The following LRRC7 variants were observed in gnomAD, a reference collection of about 807,000 sequenced individuals.
The protein encoded by LRRC7 is leucine rich repeat containing 7, also known as leucine-rich repeat-containing protein 7.
A neutral mutation model predicts 175.7 loss-of-function variants in LRRC7; 23 were observed. The observed-to-expected ratio is 0.13, with a 90% CI of 0.09 to 0.19. The LOEUF is 0.19. Among genes scored for constraint, LRRC7 ranks in the 10% least tolerant of loss-of-function variants. The probability of loss-of-function intolerance (pLI) is 1.00; values close to 1 mark genes in which losing one functional copy is unlikely to be tolerated. For synonymous variants in LRRC7, 685 were observed against 680.9 expected (o/e 1.01, Z -0.09); for missense variants, 1,354 against 1,904.7 (o/e 0.71, Z 5.38).
intron 21 of LRRC7, among the ~76,000 whole-genome samples, chr1:70,042,349 T>G (rs17131149): frequency 0.025 from 3,848 of 152,302 alleles, 190 homozygotes; most frequent in African/African-American, 0.089. Context: ...ATAATGTGCT[T>G]CTTTCCCAGT....
At chr1:69,866,547 C>T (rs1347916254) in intron 7 of LRRC7, among the ~76,000 whole-genome samples, 1 of 152,190 alleles carries the variant, frequency 6.6e-6, no homozygotes. Context: ...TTATCATTTT[C>T]TATTCCTAAA....
chr1:69,960,758 C>A (rs1295017082), intron 8 of LRRC7, among the ~76,000 whole-genome samples: 1 of 151,204 alleles, frequency 6.6e-6, no homozygotes, highest in African/African-American at 2.5e-5. Context: ...GCAGAAAAGG[C>A]CTTCAATAAA....
At chr1:70,115,288 A>G (rs1007646170) in intron 26 of LRRC7, among the ~76,000 whole-genome samples, 1 of 152,192 alleles carries the variant, frequency 6.6e-6, no homozygotes, top group African/African-American at 2.4e-5. Flanking sequence ...CTGCAGAAGC[A>G]TTTTTTGTGT....
chr1:69,885,346 A>G (rs1687069871), intron 7 of LRRC7, among the ~76,000 whole-genome samples: 1 of 146,200 alleles, frequency 6.8e-6, no homozygotes, highest in Non-Finnish European at 1.5e-5. Context: ...TAGTCTTGGG[A>G]GAGTGTATGT....
At chr1:69,752,514 T>C (rs1311770418) in intron 2 of LRRC7, among the ~76,000 whole-genome samples, 2 of 152,168 alleles carry the variant, frequency 1.3e-5, no homozygotes, top group Non-Finnish European at 2.9e-5. Flanking sequence ...TTGTCATTAT[T>C]TCTATCTGCT....
intron 1 of LRRC7, among the ~76,000 whole-genome samples, chr1:69,661,592 T>G (rs766868070): frequency 3.3e-5 from 5 of 152,138 alleles, no homozygotes; most frequent in Non-Finnish European, 7.4e-5. Context: ...CAGGAGAACA[T>G]TGTGTCAATA....
At chr1:69,735,132 C>T (rs1408156199) in intron 2 of LRRC7, among the ~76,000 whole-genome samples, 1 of 151,892 alleles carries the variant, frequency 6.6e-6, no homozygotes, top group Non-Finnish European at 1.5e-5. Context: ...TTTCTATAAC[C>T]ACCATTATCA....
At chr1:69,837,404 G>A (rs1168059073) in intron 6 of LRRC7, among the ~76,000 whole-genome samples, 1 of 151,806 alleles carries the variant, frequency 6.6e-6, no homozygotes, top group Non-Finnish European at 1.5e-5. Flanking sequence ...ATTATCTAAT[G>A]TTCCAAACCA....
chr1:70,053,468 A>C (rs1660899472), intron 23 of LRRC7, among the ~76,000 whole-genome samples: 1 of 152,196 alleles, frequency 6.6e-6, no homozygotes, highest in Non-Finnish European at 1.5e-5. Flanking sequence ...TGGCTTTAAC[A>C]GTGTGTTGTA....
chr1:69,932,414 C>G (rs977624860), intron 8 of LRRC7, among the ~76,000 whole-genome samples: 7 of 152,148 alleles, frequency 4.6e-5, no homozygotes, highest in African/African-American at 1.7e-4. Flanking sequence ...AATGTTCTCT[C>G]TTACACAGGG....
intron 2 of LRRC7, among the ~76,000 whole-genome samples, chr1:69,726,440 A>G (rs1429595577): frequency 6.6e-6 from 1 of 152,356 alleles, no homozygotes; most frequent in South Asian, 2.1e-4. Context: ...TATTGATGTC[A>G]TTAAATATGG....
chr1:69,773,004 T>C (rs1352884248), intron 3 of LRRC7, among the ~76,000 whole-genome samples: 4 of 152,184 alleles, frequency 2.6e-5, no homozygotes, highest in African/African-American at 9.7e-5. Context: ...GAAAACCTGA[T>C]TGAAGTCTAT....
intron 7 of LRRC7, among the ~76,000 whole-genome samples, chr1:69,869,661 A>G (rs937299652): frequency 3.9e-5 from 6 of 152,150 alleles, no homozygotes; most frequent in Non-Finnish European, 7.4e-5. Context: ...TTTATGGGAC[A>G]GGCAGAGAAC....
chr1:69,583,249 CTT>C (rs1406679802), intron 1 of LRRC7, among the ~76,000 whole-genome samples: 4 of 151,820 alleles, frequency 2.6e-5, no homozygotes, highest in Non-Finnish European at 5.9e-5. Context: ...GTATCTAAAA[CTT>C]TGGATTATAA....
intron 2 of LRRC7, among the ~76,000 whole-genome samples, chr1:69,696,222 C>T (rs1320090758): frequency 1.3e-5 from 2 of 152,164 alleles, no homozygotes; most frequent in Non-Finnish European, 2.9e-5. Flanking sequence ...AACAGTGTTC[C>T]CAGGTTGTGG....
intron 17 of LRRC7, among the ~76,000 whole-genome samples, chr1:70,023,859 GAA>G (rs1657788733): frequency 6.6e-6 from 1 of 152,050 alleles, no homozygotes; most frequent in African/African-American, 2.4e-5. Flanking sequence ...GACATCTGTT[GAA>G]AAGCATCAAT....
intron 23 of LRRC7, among the ~76,000 whole-genome samples, chr1:70,075,218 A>G (rs1247962621): frequency 1.3e-5 from 2 of 152,208 alleles, no homozygotes; most frequent in Admixed American, 6.5e-5. Context: ...AGAAAGGCAT[A>G]TTCTGGCTTA....
intron 6 of LRRC7, among the ~76,000 whole-genome samples, chr1:69,836,693 C>T (rs1000606018): frequency 6.6e-6 from 1 of 151,764 alleles, no homozygotes; most frequent in Non-Finnish European, 1.5e-5. Flanking sequence ...ATTCTGTACT[C>T]CTAAAAGCCA....
At chr1:69,650,067 C>A (rs1570164381) in intron 1 of LRRC7, among the ~76,000 whole-genome samples, 3 of 152,088 alleles carry the variant, frequency 2.0e-5, no homozygotes, top group Admixed American at 6.5e-5. Context: ...GTGACTCTTT[C>A]TTCTAATGAA....
Sources: gnomAD v4.1 joint callset for allele counts (sites outside exome capture counted in the v4.1 genomes callset) on GRCh38, gnomAD v4.1.1 for gene constraint, MANE v1.5 for transcripts, NCBI Gene and HGNC (gene_info 2026-07-23, HGNC 2026-07-21) for gene names.